ATXN8OS: variants seen among roughly 807,000 people sequenced by gnomAD.
ATXN8OS encodes ATXN8 opposite strand (non-protein coding).
intron 2 of ATXN8OS, among the ~76,000 whole-genome samples, chr13:70,117,802 T>C (rs1030580144): frequency 2.0e-5 from 3 of 152,108 alleles, no homozygotes; most frequent in African/African-American, 7.2e-5. Context: ...TAAAGGTAGA[T>C]ATTGATGTTT....
At chr13:70,107,599 C>T (rs768924039), upstream of ATXN8OS, 7 of 1,596,992 alleles carry the variant, frequency 4.4e-6, no homozygotes, top group Admixed American at 1.0e-4. Context: ...GCAGCCTCCC[C>T]CCGCCGGGCC....
At chr13:70,156,474 ATAT>A (rs1888937638) in intron 4 of ATXN8OS, among the ~76,000 whole-genome samples, 1 of 152,132 alleles carries the variant, frequency 6.6e-6, no homozygotes, top group African/African-American at 2.4e-5. Flanking sequence ...ATAAGAAATA[ATAT>A]TATATTTTAT....
intron 2 of ATXN8OS, among the ~76,000 whole-genome samples, chr13:70,125,934 A>T (rs370415126): frequency 6.6e-5 from 10 of 152,124 alleles, no homozygotes; most frequent in African/African-American, 2.2e-4. Flanking sequence ...GGACAGGGGT[A>T]CAAATATGCC....
exon 1 of ATXN8OS, chr13:70,108,017 G>T (rs890972753): frequency 9.0e-6 from 4 of 443,046 alleles, no homozygotes; most frequent in Non-Finnish European, 1.2e-5. Context: ...GTGTTATGGC[G>T]AGGTGGGACA....
At chr13:70,150,691 T>C (rs1420285776) in intron 4 of ATXN8OS, among the ~76,000 whole-genome samples, 6 of 152,084 alleles carry the variant, frequency 3.9e-5, no homozygotes, top group African/African-American at 1.4e-4. Context: ...AAGTAATTAC[T>C]GACTCCTCTA....
At chr13:70,141,620 G>GTA (rs547304203) in intron 3 of ATXN8OS, among the ~76,000 whole-genome samples, 23 of 151,770 alleles carry the variant, frequency 1.5e-4, no homozygotes, top group Admixed American at 7.9e-4. Flanking sequence ...GTGTGTGTAC[G>GTA]TATATATATA....
intron 1 of ATXN8OS, among the ~76,000 whole-genome samples, chr13:70,114,133 T>C (rs1888240510): frequency 1.3e-5 from 2 of 152,212 alleles, no homozygotes; most frequent in Non-Finnish European, 2.9e-5. Context: ...AAAATCTAAT[T>C]TGAAAATCAC....
rs1888258227 is a variant in ATXN8OS at position 70,115,216 on chromosome 13, T to C, written n.316T>C. ...AGAATCTTCTTGCTCTGAACACACATAGTAGAAGGCAGAAGGGCAAGAGAG... is the reference window on the plus strand; with the variant it reads ...AGAATCTTCTTGCTCTGAACACACACAGTAGAAGGCAGAAGGGCAAGAGAG... On this transcript the variant is annotated non_coding_transcript_exon_variant, in exon 2 of 5. Coordinates refer to ENST00000678624, the Ensembl canonical transcript of ATXN8OS. 3 of 398,274 alleles carry C rather than the reference T, an allele frequency of 7.5e-6. 1 individual carries two copies. Among genetic ancestry groups the C allele is most frequent in the South Asian group, 2.5e-4 (2 of 7,860 alleles). 24.7% of individuals were successfully genotyped at this position (398,274 alleles called of 1,614,324 possible). A position where few individuals can be genotyped will look rare whatever the true frequency, so the allele number is the denominator to read the frequency against.
chr13:70,132,805 T>C (rs1888552901), intron 3 of ATXN8OS, among the ~76,000 whole-genome samples: 1 of 152,132 alleles, frequency 6.6e-6, no homozygotes, highest in South Asian at 2.1e-4. Flanking sequence ...CCTCTTCATA[T>C]AAATGTGCAT....
intron 4 of ATXN8OS, among the ~76,000 whole-genome samples, chr13:70,153,539 C>T (rs1408139820): frequency 6.6e-6 from 1 of 152,096 alleles, no homozygotes; most frequent in Non-Finnish European, 1.5e-5. Context: ...CGCACCATTG[C>T]ACTCCAGCCC....
At chr13:70,114,105 A>G (rs1000958526) in intron 1 of ATXN8OS, among the ~76,000 whole-genome samples, 1 of 152,246 alleles carries the variant, frequency 6.6e-6, no homozygotes, top group African/African-American at 2.4e-5. Context: ...CATTATTACT[A>G]GAAGTAAATT....
chr13:70,155,602 A>G (rs995420086), intron 4 of ATXN8OS, among the ~76,000 whole-genome samples: 1 of 152,164 alleles, frequency 6.6e-6, no homozygotes, highest in Non-Finnish European at 1.5e-5. Context: ...CTCCATTCCC[A>G]AAAAGAAGAT....
upstream of ATXN8OS, chr13:70,107,569 C>T (rs1005270099): frequency 1.2e-6 from 2 of 1,605,712 alleles, no homozygotes; most frequent in Non-Finnish European, 8.5e-7. Flanking sequence ...CTCAAAGCTG[C>T]CACTGCCGTC....
chr13:70,112,690 T>C (rs969975914), intron 1 of ATXN8OS, among the ~76,000 whole-genome samples: 2 of 152,028 alleles, frequency 1.3e-5, no homozygotes. Context: ...ATTTGTATAG[T>C]TGAGGAATTC....
intron 1 of ATXN8OS, among the ~76,000 whole-genome samples, chr13:70,113,763 T>A (rs1006932898): frequency 6.6e-6 from 1 of 152,206 alleles, no homozygotes; most frequent in Admixed American, 6.5e-5. Flanking sequence ...TCTTTCCATC[T>A]TGAGACATAT....
At chr13:70,128,858 CTTT>C (rs34976551) in intron 2 of ATXN8OS, among the ~76,000 whole-genome samples, 40 of 147,176 alleles carry the variant, frequency 2.7e-4, no homozygotes, top group African/African-American at 2.2e-4. Flanking sequence ...ATCCCCCCAC[CTTT>C]TTTTTTTTTT....
chr13:70,107,547 G>T, upstream of ATXN8OS: 1 of 1,609,240 alleles, frequency 6.2e-7, no homozygotes, highest in Non-Finnish European at 8.5e-7. Context: ...GACTCTGGCT[G>T]GGTCCCCAGT....
intron 1 of ATXN8OS, among the ~76,000 whole-genome samples, chr13:70,113,353 T>G (rs985545513): frequency 5.9e-5 from 9 of 152,194 alleles, no homozygotes; most frequent in Admixed American, 4.6e-4. Flanking sequence ...CAAGGATATT[T>G]TCTAATGAGT....
In ATXN8OS at chr13:70,112,926, T is replaced by A. The variant is rs1274263451; in HGVS notation, n.241-2215T>A. Among the ~76,000 whole-genome samples, 542 of 138,618 alleles carry A rather than the reference T, an allele frequency of 3.9e-3. 12 individuals are homozygous for A. The highest frequency in any genetic ancestry group is 0.011 in the African/African-American group (406 of 37,994). The allele number at this position is 138,618 out of a possible 152,430, so 90.9% of individuals were successfully genotyped here. ...GAGGGACTTTATATATATAATTTTT[T>A]TTTTTTTTTTTTTTGAGATGGAGTC... On this transcript the variant is annotated intron_variant and non_coding_transcript_variant, in intron 1 of 4. Coordinates refer to ENST00000678624, the Ensembl canonical transcript of ATXN8OS.
Sources: allele counts gnomAD v4.1 joint callset (sites outside exome capture counted in the v4.1 genomes callset), GRCh38; gene constraint gnomAD v4.1.1; transcripts MANE v1.5; gene names NCBI Gene and HGNC (gene_info 2026-07-23, HGNC 2026-07-21).